Variants in DTNA observed in about 807,000 individuals in gnomAD.
DTNA encodes the protein dystrobrevin alpha, also known as dystrophin-related protein 3.
DTNA carries 43 observed loss-of-function variants against 100.7 expected under a neutral mutation model. The observed-to-expected ratio is 0.43, with a 90% confidence interval of 0.33 to 0.55. The LOEUF is 0.55. DTNA is among the 20% of genes least tolerant of loss of function. The pLI, the probability that DTNA is intolerant of heterozygous loss-of-function variation, is 0.04. For missense variants in DTNA, 798 were observed against 953.9 expected (o/e 0.84, Z 2.15); for synonymous variants, 349 against 347.9 (o/e 1.00, Z -0.04).
At chr18:34,645,300 C>T (rs1045602389) in intron 1 of DTNA, among the ~76,000 whole-genome samples, 2 of 152,024 alleles carry the variant, frequency 1.3e-5, no homozygotes, top group Non-Finnish European at 2.9e-5. Flanking sequence ...ATAGTGAAAC[C>T]TGCATATACC....
chr18:34,583,853 C>G (rs1338171763), intron 1 of DTNA, among the ~76,000 whole-genome samples: 1 of 152,158 alleles, frequency 6.6e-6, no homozygotes, highest in Non-Finnish European at 1.5e-5. Flanking sequence ...TGCAGCCTGA[C>G]AGCTACCCCT....
At chr18:34,617,665 C>T (rs1263649730) in intron 1 of DTNA, among the ~76,000 whole-genome samples, 1 of 152,120 alleles carries the variant, frequency 6.6e-6, no homozygotes, top group Non-Finnish European at 1.5e-5. Flanking sequence ...AGTTCCCCCT[C>T]CTCAATGTTC....
intron 1 of DTNA, among the ~76,000 whole-genome samples, chr18:34,565,749 C>T (rs1162628849): frequency 1.3e-5 from 2 of 152,218 alleles, no homozygotes; most frequent in African/African-American, 2.4e-5. Flanking sequence ...AGGATGATTT[C>T]ATCCCAAGAT....
At chr18:34,635,358 T>A (rs1394836839) in intron 1 of DTNA, among the ~76,000 whole-genome samples, 1 of 152,212 alleles carries the variant, frequency 6.6e-6, no homozygotes, top group African/African-American at 2.4e-5. Flanking sequence ...ACCTACAGAT[T>A]TCATTTCCTT....
intron 1 of DTNA, among the ~76,000 whole-genome samples, chr18:34,743,973 T>G (rs772378343): frequency 1.3e-5 from 2 of 152,078 alleles, no homozygotes; most frequent in Non-Finnish European, 2.9e-5. Context: ...CTGGAGAATA[T>G]CATCCAGAGC....
chr18:34,849,317 A>G (rs901775852), intron 14 of DTNA, among the ~76,000 whole-genome samples: 1 of 152,210 alleles, frequency 6.6e-6, no homozygotes, highest in African/African-American at 2.4e-5. Flanking sequence ...ACTTGAAAGT[A>G]AAGGCAAAAC....
At chr18:34,584,252 C>T (rs1405168239) in intron 1 of DTNA, among the ~76,000 whole-genome samples, 1 of 149,126 alleles carries the variant, frequency 6.7e-6, no homozygotes, top group Non-Finnish European at 1.5e-5. Context: ...CTTGAGCAGA[C>T]AGCTAAAGAA....
At position 34,890,189 on chromosome 18, in the gene DTNA, C is replaced by A. The variant is rs541542121; in HGVS notation, c.*2455C>A. The A allele has an allele frequency of 6.2e-6, 9 of 1,445,178 alleles. No homozygotes were observed. Among genetic ancestry groups the A allele is most frequent in the Non-Finnish European group, 7.2e-6 (8 of 1,104,658 alleles). 89.5% of individuals were successfully genotyped at this position (1,445,178 alleles called of 1,614,324 possible). On this transcript the variant is annotated 3_prime_UTR_variant, in exon 23 of 23. Transcript: ENST00000444659. ...TTGTCATAGCTATTTCATTGCCAAC[C>A]AACTCCATCACATGGTTGTTGATAT...
chr18:34,805,731 T>C (rs1436619664), intron 4 of DTNA, among the ~76,000 whole-genome samples: 1 of 151,068 alleles, frequency 6.6e-6, no homozygotes, highest in Non-Finnish European at 1.5e-5. Context: ...GAAAAAAATG[T>C]GTGATGAAAA....
At chr18:34,518,680 C>CA (rs2041884795) in intron 1 of DTNA, among the ~76,000 whole-genome samples, 2 of 64,996 alleles carry the variant, frequency 3.1e-5, no homozygotes, top group East Asian at 2.9e-3. Context: ...TTTGACTTAC[C>CA]GTTTTTTTTT....
At chr18:34,556,274 G>A (rs2046034287) in intron 1 of DTNA, among the ~76,000 whole-genome samples, 1 of 152,108 alleles carries the variant, frequency 6.6e-6, no homozygotes, top group Non-Finnish European at 1.5e-5. Context: ...CTCTGCACGT[G>A]AGATGGGTTT....
intron 9 of DTNA, among the ~76,000 whole-genome samples, chr18:34,825,063 ATT>A (rs140760840): frequency 6.7e-6 from 1 of 149,542 alleles, no homozygotes; most frequent in Admixed American, 6.7e-5. Context: ...AGAAAATGCC[ATT>A]TTTTTTTTAA....
At chr18:34,668,387 C>G (rs143428207) in intron 1 of DTNA, among the ~76,000 whole-genome samples, 2 of 152,220 alleles carry the variant, frequency 1.3e-5, no homozygotes, top group East Asian at 1.9e-4. Context: ...ATCCTGGATT[C>G]GTTGATTTTT....
intron 1 of DTNA, among the ~76,000 whole-genome samples, chr18:34,604,473 A>C (rs2052590472): frequency 6.6e-6 from 1 of 152,140 alleles, no homozygotes; most frequent in Non-Finnish European, 1.5e-5. Flanking sequence ...CTCCTCTAAA[A>C]TTTTATAGCA....
chr18:34,574,134 A>G (rs760284417), intron 1 of DTNA: 1 of 152,360 alleles, frequency 6.6e-6, no homozygotes, highest in African/African-American at 2.4e-5. Context: ...GCCAATGGCC[A>G]TGGCCAGACA....
chr18:34,834,551 G>C (rs559203675), intron 11 of DTNA, among the ~76,000 whole-genome samples: 1 of 151,976 alleles, frequency 6.6e-6, no homozygotes, highest in Non-Finnish European at 1.5e-5. Flanking sequence ...CAGGCTGTAC[G>C]TGAAGCATGG....
In DTNA at chr18:34,684,562, G is replaced by T. The variant is rs558911789; in HGVS notation, c.-1-71414G>T. Among the ~76,000 whole-genome samples the T allele has an allele frequency of 4.6e-5, 7 of 152,260 alleles. No individual in the cohort carries two copies. The South Asian group carries it at 1.2e-3, about 27-fold the overall frequency. ...CAGTCTAACATTTATGGGCATTTGGGTTGGTTCCAAGTCTTTGCTTTTGTG... is the reference window on the plus strand; with the variant it reads ...CAGTCTAACATTTATGGGCATTTGGTTTGGTTCCAAGTCTTTGCTTTTGTG... On this transcript the variant is annotated intron_variant, in intron 1 of 19. Coordinates refer to the DTNA transcript ENST00000283365.
At chr18:34,530,396 G>C (rs1015183942) in intron 1 of DTNA, among the ~76,000 whole-genome samples, 33 of 151,482 alleles carry the variant, frequency 2.2e-4, no homozygotes, top group Non-Finnish European at 3.7e-4. Flanking sequence ...TCTCCTTTGA[G>C]GAAAATAAAA....
chr18:34,746,918 G>A (rs1413001953), intron 1 of DTNA, among the ~76,000 whole-genome samples: 2 of 151,954 alleles, frequency 1.3e-5, no homozygotes, highest in South Asian at 2.1e-4. Flanking sequence ...GAAACCAAAC[G>A]AAACCAAATG....
Sources: gnomAD v4.1 joint callset for allele counts (sites outside exome capture counted in the v4.1 genomes callset) on GRCh38, gnomAD v4.1.1 for gene constraint, MANE v1.5 for transcripts, NCBI Gene and HGNC (gene_info 2026-07-23, HGNC 2026-07-21) for gene names.